ZNF518A: variants seen among roughly 807,000 people sequenced by gnomAD.
ZNF518A encodes the protein zinc finger protein 518A.
In ZNF518A, 47 loss-of-function variants were observed where a neutral mutation model predicts 102.7. That is an observed-to-expected ratio of 0.46 (90% CI 0.36 to 0.58). The LOEUF (loss-of-function observed/expected upper bound fraction) is 0.58, where lower values mean the gene tolerates loss of function less well. Among genes scored for constraint, ZNF518A ranks in the 20% least tolerant of loss-of-function variants. The probability of loss-of-function intolerance (pLI) is 0.00; values close to 1 mark genes in which losing one functional copy is unlikely to be tolerated. For synonymous variants in ZNF518A, 652 were observed against 594.6 expected (o/e 1.10, Z -1.40); for missense variants, 1,793 against 1,699.8 (o/e 1.05, Z -0.96).
At position 96,157,906 on chromosome 10, in the gene ZNF518A, A is replaced by G; in HGVS notation, c.1584A>G (p.Glu528=). The G allele has an allele frequency of 6.2e-7, 1 of 1,613,902 alleles. No homozygotes were observed. The highest frequency in any genetic ancestry group is 1.3e-5 in the African/African-American group (1 of 75,058). The change falls in exon 6 of 6, where the codon GAA becomes GAG. Residue 528 remains glutamate (E), a synonymous_variant. Coordinates refer to ENST00000316045, the MANE Select transcript of ZNF518A (RefSeq NM_001330736.2). ...TACTTTCAGGGAAAGCAAGTTCAGA[A>G]AAAGAAATGACTTTGATATCTCAAA... The part of the protein sequence containing the change: ...SSILSGKASS[E]KEMTLISQRN...
chr10:96,170,007 G>A (rs181807776), intron 1 of ZNF518A, among the ~76,000 whole-genome samples: 20 of 152,290 alleles, frequency 1.3e-4, no homozygotes, highest in Admixed American at 1.0e-3. Flanking sequence ...GTGTGTTTTT[G>A]TGACACATCA....
Position 96,158,132 on chromosome 10 carries a change from G to T in ZNF518A, c.1810G>T (p.Val604Phe). 1 of 1,613,512 alleles carries T rather than the reference G, an allele frequency of 6.2e-7. No homozygotes were observed. The change falls in exon 6 of 6, where the codon GTT (valine) becomes TTT (phenylalanine). Residue 604 changes from valine (V) to phenylalanine (F), a missense_variant. Val to Phe is a conservative substitution (Grantham distance 50). Coordinates refer to ENST00000316045, the MANE Select transcript of ZNF518A (RefSeq NM_001330736.2). The part of the protein sequence containing the change: ...TIKSPDKVNC[V>F]AKPNAYNSGD... The stretch of plus-strand genomic sequence containing the variant: ...TAAAAGTCCAGATAAAGTCAACTGT[G>T]TTGCCAAACCAAATGCATACAACAG...
intron 3 of ZNF518A, among the ~76,000 whole-genome samples, chr10:96,150,293 C>T (rs1281571490): frequency 4.6e-5 from 7 of 150,728 alleles, no homozygotes; most frequent in African/African-American, 1.7e-4. Context: ...GAGATTGCAC[C>T]ACTGCACTCC....
chr10:96,158,488 A>G lies in ZNF518A; in HGVS notation c.2166A>G (p.Leu722=). 10 of 1,612,650 alleles carry G rather than the reference A, an allele frequency of 6.2e-6. No homozygotes were observed. The highest frequency in any genetic ancestry group is 8.5e-6 in the Non-Finnish European group (10 of 1,179,562). The change falls in exon 6 of 6, where the codon TTA becomes TTG. Residue 722 remains leucine (L), a synonymous_variant. Transcript: ENST00000316045. ...AKSEIEEQYV[L]EKGQNIDGQN... is the part of the protein sequence containing the mutation. ...CTGAAATTGAAGAACAGTATGTTTT[A>G]GAAAAAGGACAAAACATTGATGGAC... is the stretch of plus-strand genomic sequence containing the variant.
intron 3 of ZNF518A, among the ~76,000 whole-genome samples, chr10:96,141,603 G>C (rs2133304656): frequency 6.6e-6 from 1 of 152,226 alleles, no homozygotes; most frequent in South Asian, 2.1e-4. Context: ...CTTTATAATT[G>C]TATACCAATA....
chr10:96,159,509 C>G lies in ZNF518A; in HGVS notation c.3187C>G (p.Leu1063Val). ...LKPTSSVKAV[L>V]IPNMLSEQQS... ...ACCAACGAGTTCTGTGAAAGCTGTTCTTATTCCTAACATGCTATCTGAGCA... is the reference window on the plus strand; with the variant it reads ...ACCAACGAGTTCTGTGAAAGCTGTTGTTATTCCTAACATGCTATCTGAGCA... The change falls in exon 6 of 6, where the codon CTT (leucine) becomes GTT (valine). Residue 1063 changes from leucine (L) to valine (V), a missense_variant. Physicochemically the swap from Leu to Val is conservative, Grantham distance 32. This residue lies in a region of ZNF518A where 1,741 missense variants were observed against 1,622.6 expected (regional missense o/e 1.07). Transcript: ENST00000316045. 6.2e-7 allele frequency: 1 copy of G among 1,613,842 alleles called. No individual in the cohort carries two copies. The highest frequency in any genetic ancestry group is 1.3e-5 in the African/African-American group (1 of 75,038).
chr10:96,185,350 G>A (rs1554892465), intron 1 of ZNF518A, among the ~76,000 whole-genome samples: 2 of 152,158 alleles, frequency 1.3e-5, no homozygotes, highest in South Asian at 2.1e-4. Context: ...CGTTGCTGGC[G>A]AGGAGAGGAG....
rs1227221814 is a variant in ZNF518A at position 96,160,344 on chromosome 10, C to T, written c.4022C>T (p.Pro1341Leu). The stretch of plus-strand genomic sequence containing the variant: ...AGTTCTAAACAGCTTGTGAAATGTC[C>T]TAGGAGAAACCAACCAGTTGTAGTT... ...PFSSKQLVKC[P>L]RRNQPVVVLN... The change falls in exon 6 of 6, where the codon CCT becomes CTT. Residue 1341 changes from proline (P) to leucine (L), a missense_variant. Physicochemically the swap from Pro to Leu is moderately conservative, Grantham distance 98. This residue lies in a region of ZNF518A where 1,741 missense variants were observed against 1,622.6 expected (regional missense o/e 1.07). Coordinates refer to ENST00000316045, the MANE Select transcript of ZNF518A (RefSeq NM_001330736.2). The T allele has an allele frequency of 1.2e-6, 2 of 1,613,462 alleles. No individual in the cohort carries two copies. The highest frequency in any genetic ancestry group is 1.7e-6 in the Non-Finnish European group (2 of 1,179,656).
In ZNF518A at chr10:96,195,130, A is replaced by G. The variant is rs587760660; in HGVS notation, n.36-8444A>G. Among the ~76,000 whole-genome samples the G allele has an allele frequency of 2.6e-5, 4 of 152,326 alleles. No individual in the cohort carries two copies. The East Asian group carries it at 7.7e-4, about 29-fold the overall frequency. On this transcript the variant is annotated intron_variant and non_coding_transcript_variant, in intron 1 of 2. Transcript: ENST00000442635. ...TCACCTTACACCCATTTGGACGGCT[A>G]CTATAAAACAACAACACAATTCAGA...
At chr10:96,154,401 TTC>T (rs782404190) in intron 3 of ZNF518A, among the ~76,000 whole-genome samples, 276 of 152,228 alleles carry the variant, frequency 1.8e-3, no homozygotes, top group Non-Finnish European at 3.4e-3. Context: ...CTTCTTTCGT[TTC>T]TTTCTCCTCC....
At position 96,159,127 on chromosome 10, in the gene ZNF518A, A is replaced by G; in HGVS notation, c.2805A>G (p.Ser935=). The part of the protein sequence containing the change: ...EQKKTIIVQT[S]KGFLIPLNIT... Reference sequence around the variant, plus strand: ...AAAAAACTATAATTGTTCAGACTTCAAAAGGATTCTTAATACCATTGAACA... The same window carrying G: ...AAAAAACTATAATTGTTCAGACTTCGAAAGGATTCTTAATACCATTGAACA... Residue 935 remains serine, a synonymous_variant, in exon 6 of 6, where the codon TCA becomes TCG. Coordinates refer to ENST00000316045, the MANE Select transcript of ZNF518A (RefSeq NM_001330736.2). 1 of 1,612,120 alleles carries G rather than the reference A, an allele frequency of 6.2e-7. No individual in the cohort carries two copies. The highest frequency in any genetic ancestry group is 8.5e-7 in the Non-Finnish European group (1 of 1,179,360).
chr10:96,203,296 TA>T (rs2083700089), intron 1 of ZNF518A, among the ~76,000 whole-genome samples: 1 of 152,204 alleles, frequency 6.6e-6, no homozygotes, highest in Non-Finnish European at 1.5e-5. Flanking sequence ...GAATTTTTTT[TA>T]AAAACTAGTA....
intron 1 of ZNF518A, among the ~76,000 whole-genome samples, chr10:96,177,318 C>T (rs942474530): frequency 6.6e-6 from 1 of 152,108 alleles, no homozygotes; most frequent in African/African-American, 2.4e-5. Context: ...GAAGACAAAA[C>T]AAATACAGTT....
chr10:96,196,985 G>A (rs200501515), intron 1 of ZNF518A: 2 of 1,612,722 alleles, frequency 1.2e-6, no homozygotes, highest in East Asian at 2.2e-5. Context: ...TTATATACTC[G>A]CTTATTAAAG....
At chr10:96,199,319 T>C (rs587717530) in intron 1 of ZNF518A, among the ~76,000 whole-genome samples, 15 of 152,340 alleles carry the variant, frequency 9.8e-5, no homozygotes, top group African/African-American at 3.4e-4. Flanking sequence ...TCCTACATGA[T>C]TGAAGTTGGG....
At chr10:96,184,006 G>A (rs1554892286) in intron 1 of ZNF518A, among the ~76,000 whole-genome samples, 1 of 152,158 alleles carries the variant, frequency 6.6e-6, no homozygotes, top group African/African-American at 2.4e-5. Flanking sequence ...CCCGTATTGG[G>A]TGCATATAGA....
intron 3 of ZNF518A, among the ~76,000 whole-genome samples, chr10:96,145,214 C>A (rs1249216980): frequency 1.3e-5 from 2 of 152,126 alleles, no homozygotes; most frequent in Admixed American, 6.5e-5. Flanking sequence ...GGATTACAGA[C>A]ATGCGCTACC....
Position 96,162,763 on chromosome 10 carries a change from C to G in ZNF518A, c.*1989C>G, listed in dbSNP as rs1554888718. The G allele has an allele frequency of 1.2e-5, 2 of 166,240 alleles. No individual in the cohort carries two copies. Among genetic ancestry groups the G allele is most frequent in the Admixed American group, 6.5e-5 (1 of 15,274 alleles). 10.3% of individuals were successfully genotyped at this position (166,240 alleles called of 1,614,324 possible). A position where few individuals can be genotyped will look rare whatever the true frequency, so the allele number is the denominator to read the frequency against. On this transcript the variant is annotated 3_prime_UTR_variant, in exon 6 of 6. Coordinates refer to ENST00000316045, the MANE Select transcript of ZNF518A (RefSeq NM_001330736.2). The stretch of plus-strand genomic sequence containing the variant: ...AATAATTTTTTTACTGTGCTAAAAT[C>G]TGATGGAAATTTTGTTCTCTAGGAA...
chr10:96,160,630 T>G lies in ZNF518A; in HGVS notation c.4308T>G (p.Ile1436Met). The G allele has an allele frequency of 6.2e-7, 1 of 1,613,138 alleles. No individual in the cohort carries two copies. The highest frequency in any genetic ancestry group is 8.5e-7 in the Non-Finnish European group (1 of 1,179,484). The change falls in exon 6 of 6, where the codon ATT (isoleucine) becomes ATG (methionine). Residue 1436 changes from isoleucine to methionine, a missense_variant. Ile to Met is a conservative substitution (Grantham distance 10). Coordinates refer to ENST00000316045, the MANE Select transcript of ZNF518A (RefSeq NM_001330736.2). Reference sequence around the variant, plus strand: ...AGACAAGCAAAAACAATTACCAGATTGTGAAGACTACCTCTGAAAATATTT... The same window carrying G: ...AGACAAGCAAAAACAATTACCAGATGGTGAAGACTACCTCTGAAAATATTT... ...LKKTSKNNYQ[I>M]VKTTSENILK...
Sources: gnomAD v4.1 joint callset for allele counts (sites outside exome capture counted in the v4.1 genomes callset) on GRCh38, gnomAD v4.1.1 for gene constraint, gnomAD v4.1.1 regional missense constraint, MANE v1.5 for transcripts, NCBI Gene and HGNC (gene_info 2026-07-23, HGNC 2026-07-21) for gene names.